HLCS: variants seen among roughly 807,000 people sequenced by gnomAD.
HLCS encodes the protein biotin--protein ligase.
Under a neutral mutation model 75.0 loss-of-function variants are expected in HLCS, and 53 were observed. The ratio of observed to expected loss-of-function variants is 0.71; its 90% CI spans 0.57 to 0.89. The LOEUF (loss-of-function observed/expected upper bound fraction) is 0.89. Ranked by LOEUF, HLCS falls within the 40% of genes least tolerant of loss-of-function variation. HLCS has a pLI of 0.00. For synonymous variants in HLCS, 431 were observed against 428.6 expected, an observed-to-expected ratio of 1.01 and a Z score of -0.07; for missense variants, 966 against 1,074.0, an observed-to-expected ratio of 0.90 and a Z score of 1.41.
chr21:36,946,684 C>A (rs969629383), intron 2 of HLCS, among the ~76,000 whole-genome samples: 1 of 152,038 alleles, frequency 6.6e-6, no homozygotes, highest in Non-Finnish European at 1.5e-5. Context: ...TAAACGCAGG[C>A]CTTTATGGCC....
intron 6 of HLCS, among the ~76,000 whole-genome samples, chr21:36,823,206 T>C (rs1269742453): frequency 1.3e-5 from 2 of 152,204 alleles, no homozygotes; most frequent in Non-Finnish European, 2.9e-5. Flanking sequence ...CCTGCTTATT[T>C]GGATAATGAT....
At chr21:36,984,740 G>A (rs1160066377) in intron 1 of HLCS, among the ~76,000 whole-genome samples, 1 of 152,076 alleles carries the variant, frequency 6.6e-6, no homozygotes, top group African/African-American at 2.4e-5. Context: ...TCAAAATCCA[G>A]ACTTCACCAC....
chr21:36,877,829 G>C (rs908370744), intron 6 of HLCS, among the ~76,000 whole-genome samples: 8 of 152,128 alleles, frequency 5.3e-5, no homozygotes, highest in Admixed American at 3.9e-4. Flanking sequence ...CATCATTATT[G>C]AAACATTTTG....
chr21:36,964,671 A>T (rs914826990), intron 1 of HLCS, among the ~76,000 whole-genome samples: 1 of 152,010 alleles, frequency 6.6e-6, no homozygotes, highest in Admixed American at 6.6e-5. Context: ...GCACCAGGCC[A>T]CTCCTACTCC....
At chr21:36,937,439 T>A in intron 3 of HLCS, 47 bp from the exon 4 acceptor site, 2 of 1,455,974 alleles carry the variant, frequency 1.4e-6, no homozygotes, top group Non-Finnish European at 1.9e-6. Context: ...TCAACACTTC[T>A]TGTATGACAC....
At chr21:36,856,009 G>C (rs1332784201) in intron 6 of HLCS, among the ~76,000 whole-genome samples, 1 of 152,102 alleles carries the variant, frequency 6.6e-6, no homozygotes, top group African/African-American at 2.4e-5. Flanking sequence ...GAAATGTCCA[G>C]AACAGGCAAA....
chr21:36,791,988 G>GA (rs1569015867), intron 6 of HLCS, among the ~76,000 whole-genome samples: 4 of 152,080 alleles, frequency 2.6e-5, no homozygotes, highest in South Asian at 4.1e-4. Flanking sequence ...AAAGGCAGCG[G>GA]AAAAAAACCT....
At chr21:36,933,770 G>A (rs1438421294) in intron 4 of HLCS, among the ~76,000 whole-genome samples, 4 of 152,192 alleles carry the variant, frequency 2.6e-5, no homozygotes, top group Non-Finnish European at 5.9e-5. Context: ...TAGAGCCGAA[G>A]GGATGAGAGG....
intron 1 of HLCS, among the ~76,000 whole-genome samples, chr21:36,982,913 C>T (rs2069151220): frequency 6.6e-6 from 1 of 152,148 alleles, no homozygotes; most frequent in South Asian, 2.1e-4. Context: ...CCTGTAATCC[C>T]AGCTACTCGG....
intron 6 of HLCS, among the ~76,000 whole-genome samples, chr21:36,787,869 T>C (rs1601247939): frequency 6.6e-6 from 1 of 152,176 alleles, no homozygotes; most frequent in Non-Finnish European, 1.5e-5. Flanking sequence ...CCCTGGCTGA[T>C]AAAATAGCCA....
chr21:36,909,770 CT>C (rs1382129905), intron 5 of HLCS, among the ~76,000 whole-genome samples: 1 of 152,114 alleles, frequency 6.6e-6, no homozygotes, highest in Non-Finnish European at 1.5e-5. Context: ...GGTTCCACCC[CT>C]GTTACTTGTC....
intron 6 of HLCS, among the ~76,000 whole-genome samples, chr21:36,879,876 C>A (rs1383967825): frequency 6.6e-6 from 1 of 150,808 alleles, no homozygotes; most frequent in Non-Finnish European, 1.5e-5. Context: ...CACCACTACA[C>A]TCCAGCCTGG....
At chr21:36,792,081 C>T (rs1416501102) in intron 6 of HLCS, among the ~76,000 whole-genome samples, 2 of 152,000 alleles carry the variant, frequency 1.3e-5, no homozygotes, top group African/African-American at 2.4e-5. Context: ...TACCTGTCAG[C>T]GTTCACAGGA....
intron 5 of HLCS, among the ~76,000 whole-genome samples, chr21:36,922,767 C>T (rs1213010164): frequency 6.6e-6 from 1 of 152,196 alleles, no homozygotes; most frequent in African/African-American, 2.4e-5. Context: ...GGGGATTAAA[C>T]ACCACTCAGG....
intron 6 of HLCS, among the ~76,000 whole-genome samples, chr21:36,808,469 G>A (rs1442178705): frequency 6.6e-6 from 1 of 152,152 alleles, no homozygotes. Flanking sequence ...TAAGTTGGCT[G>A]CAAGTTAGAA....
At chr21:36,958,151 G>A (rs1046957030) in intron 2 of HLCS, among the ~76,000 whole-genome samples, 1 of 151,276 alleles carries the variant, frequency 6.6e-6, no homozygotes, top group African/African-American at 2.4e-5. Flanking sequence ...GCTGAGGCAG[G>A]AGGATGGCGT....
At chr21:36,923,007 G>A (rs1032366555) in intron 5 of HLCS, among the ~76,000 whole-genome samples, 7 of 152,176 alleles carry the variant, frequency 4.6e-5, no homozygotes, top group African/African-American at 9.7e-5. Flanking sequence ...TCCGCGGCCC[G>A]GGAGCGCCAG....
At chr21:36,760,865 TGGGACAC>T (rs1174484937) in intron 8 of HLCS, among the ~76,000 whole-genome samples, 6 of 152,160 alleles carry the variant, frequency 3.9e-5, no homozygotes, top group Admixed American at 1.3e-4. Context: ...ACTCTGAAGT[TGGGACAC>T]AGAGACGGGG....
chr21:36,876,061 C>T (rs1341756115), intron 6 of HLCS, among the ~76,000 whole-genome samples: 1 of 152,126 alleles, frequency 6.6e-6, no homozygotes, highest in Non-Finnish European at 1.5e-5. Context: ...ATGGAGCTGC[C>T]TGCCCCACCG....
Sources: gnomAD v4.1 joint callset for allele counts (sites outside exome capture counted in the v4.1 genomes callset) on GRCh38, gnomAD v4.1.1 for gene constraint, MANE v1.5 for transcripts, NCBI Gene and HGNC (gene_info 2026-07-23, HGNC 2026-07-21) for gene names.